Variants in MACROD2 observed in about 807,000 individuals in gnomAD.
MACROD2 encodes the protein ADP-ribose glycohydrolase MACROD2.
MACROD2 carries 36 observed loss-of-function variants against 70.4 expected under a neutral mutation model. That is an observed-to-expected ratio of 0.51 (90% CI 0.39 to 0.68). The LOEUF (loss-of-function observed/expected upper bound fraction) is 0.68. Among genes scored for constraint, MACROD2 ranks in the 30% least tolerant of loss-of-function variants. The pLI is 0.00. For missense variants in MACROD2, 496 were observed against 538.4 expected, an observed-to-expected ratio of 0.92 and a Z score of 0.78; for synonymous variants, 172 against 178.8, an observed-to-expected ratio of 0.96 and a Z score of 0.30.
chr20:14,689,553 A>G (rs2071039182), intron 5 of MACROD2, among the ~76,000 whole-genome samples: 1 of 152,200 alleles, frequency 6.6e-6, no homozygotes, highest in Non-Finnish European at 1.5e-5. Context: ...CCACTGAACT[A>G]CTTACAACCT....
intron 4 of MACROD2, chr20:14,547,581 G>T: frequency 6.5e-6 from 1 of 154,640 alleles, no homozygotes; most frequent in South Asian, 2.0e-4. Flanking sequence ...GAGCTAGCCT[G>T]GTGGGACTGA....
At chr20:14,029,693 A>G (rs1315555673) in intron 2 of MACROD2, among the ~76,000 whole-genome samples, 1 of 152,254 alleles carries the variant, frequency 6.6e-6, no homozygotes, top group Non-Finnish European at 1.5e-5. Context: ...CAAATCACCC[A>G]GACACAGTAA....
At chr20:14,897,883 G>T (rs900886826) in intron 5 of MACROD2, among the ~76,000 whole-genome samples, 1 of 152,060 alleles carries the variant, frequency 6.6e-6, no homozygotes, top group Non-Finnish European at 1.5e-5. Context: ...CATGCCCAAA[G>T]TGGCCAACAC....
intron 5 of MACROD2, among the ~76,000 whole-genome samples, chr20:15,141,113 TATAG>T (rs2076188744): frequency 6.6e-6 from 1 of 151,414 alleles, no homozygotes; most frequent in African/African-American, 2.4e-5. Context: ...CATACATACA[TATAG>T]ATATACATGT....
chr20:14,335,404 C>G (rs2082918405), intron 3 of MACROD2, among the ~76,000 whole-genome samples: 1 of 152,210 alleles, frequency 6.6e-6, no homozygotes. Context: ...CACACTGCTT[C>G]ATTTAGCTCT....
At chr20:15,082,028 G>A (rs186553868) in intron 5 of MACROD2, among the ~76,000 whole-genome samples, 1 of 152,294 alleles carries the variant, frequency 6.6e-6, no homozygotes, top group African/African-American at 2.4e-5. Context: ...CTAGGCAGGA[G>A]CCAGGCTACT....
intron 15 of MACROD2, among the ~76,000 whole-genome samples, chr20:16,032,752 AGGAGGGAAGAG>A (rs778680840): frequency 0.14 from 14,948 of 107,240 alleles, 888 homozygotes; most frequent in Middle Eastern, 0.25. Context: ...GAAGAAAGGG[AGGAGGGAAGAG>A]AGGAAGGAAG....
intron 7 of MACROD2, among the ~76,000 whole-genome samples, chr20:15,444,853 A>G (rs2046541717): frequency 6.6e-6 from 1 of 152,178 alleles, no homozygotes; most frequent in African/African-American, 2.4e-5. Flanking sequence ...TGAGGTTCAT[A>G]TAGGTAATAA....
chr20:14,018,866 G>T (rs1008521936), intron 2 of MACROD2, among the ~76,000 whole-genome samples: 3 of 152,170 alleles, frequency 2.0e-5, no homozygotes, highest in African/African-American at 7.2e-5. Flanking sequence ...AAGCTTTATT[G>T]CAAGGTTGAC....
chr20:15,599,399 A>AG (rs2048789105), intron 8 of MACROD2, among the ~76,000 whole-genome samples: 1 of 152,058 alleles, frequency 6.6e-6, no homozygotes, highest in Non-Finnish European at 1.5e-5. Flanking sequence ...TCAAAAAAAA[A>AG]AGTGTTTAAA....
At chr20:15,146,808 T>G (rs542588954) in intron 5 of MACROD2, among the ~76,000 whole-genome samples, 1 of 152,214 alleles carries the variant, frequency 6.6e-6, no homozygotes, top group African/African-American at 2.4e-5. Context: ...GATGAGGCAT[T>G]CTGAGATGCC....
Position 15,958,279 on chromosome 20 carries a change from C to T in MACROD2, c.908-9274C>T, listed in dbSNP as rs60178135. 9.7e-3 allele frequency among the ~76,000 whole-genome samples: 1,484 copies of T among 152,268 alleles called. 13 individuals are homozygous for T. The highest frequency in any genetic ancestry group is 0.029 in the African/African-American group (1,194 of 41,556). On this transcript the variant is annotated intron_variant, in intron 12 of 17. Coordinates refer to ENST00000684519, the MANE Select transcript of MACROD2 (RefSeq NM_001351661.2). ...GATTAATGCCTCTCCTTTCAAGTGACCCTTCCCACCACCTCCCTGCCATCC... is the reference window on the plus strand; with the variant it reads ...GATTAATGCCTCTCCTTTCAAGTGATCCTTCCCACCACCTCCCTGCCATCC...
At chr20:14,109,080 A>G (rs143540982) in intron 3 of MACROD2, among the ~76,000 whole-genome samples, 6,680 of 152,146 alleles carry the variant, frequency 0.044, 241 homozygotes, top group Non-Finnish European at 0.062. Flanking sequence ...TCTGAACACA[A>G]TGGAATAAAA....
At chr20:14,873,176 G>A (rs773164277) in intron 5 of MACROD2, among the ~76,000 whole-genome samples, 11 of 152,128 alleles carry the variant, frequency 7.2e-5, no homozygotes, top group African/African-American at 2.4e-4. Context: ...TGTGCTCAAC[G>A]CATGCACAGA....
intron 5 of MACROD2, among the ~76,000 whole-genome samples, chr20:14,798,580 A>G (rs902184754): frequency 6.6e-6 from 1 of 152,116 alleles, no homozygotes; most frequent in Non-Finnish European, 1.5e-5. Flanking sequence ...GCTGCTACCC[A>G]TATTTCATTA....
At chr20:14,056,499 A>T (rs999686872) in intron 2 of MACROD2, among the ~76,000 whole-genome samples, 8 of 151,998 alleles carry the variant, frequency 5.3e-5, no homozygotes, top group African/African-American at 1.9e-4. Flanking sequence ...TTGCTTCTAA[A>T]TTACAGATTT....
At position 15,947,091 on chromosome 20, in the gene MACROD2, G is replaced by A. The variant is rs183317243; in HGVS notation, c.907+9547G>A. Among the ~76,000 whole-genome samples, 1,208 of 152,296 alleles carry A rather than the reference G, an allele frequency of 7.9e-3. 11 individuals carry two copies. Among genetic ancestry groups the A allele is most frequent in the African/African-American group, 0.027 (1,125 of 41,572 alleles). The stretch of plus-strand genomic sequence containing the variant: ...GTGTCTCGACTCCCGCCACAGGGCG[G>A]TTTTTCTCCTATCTCAGAATTGAAC... On this transcript the variant is annotated intron_variant, in intron 12 of 17. Coordinates refer to ENST00000684519, the MANE Select transcript of MACROD2 (RefSeq NM_001351661.2).
At chr20:15,472,825 T>C (rs992237051) in intron 7 of MACROD2, among the ~76,000 whole-genome samples, 1 of 152,208 alleles carries the variant, frequency 6.6e-6, no homozygotes, top group African/African-American at 2.4e-5. Context: ...CCTGTACCTA[T>C]GCTCACAGTA....
intron 3 of MACROD2, among the ~76,000 whole-genome samples, chr20:14,425,278 G>A (rs2083920597): frequency 6.6e-6 from 1 of 152,058 alleles, no homozygotes; most frequent in Admixed American, 6.5e-5. Context: ...ATTATGAAAA[G>A]ATAATTTGTC....
Sources: allele counts gnomAD v4.1 joint callset (sites outside exome capture counted in the v4.1 genomes callset), GRCh38; gene constraint gnomAD v4.1.1; transcripts MANE v1.5; gene names NCBI Gene and HGNC (gene_info 2026-07-23, HGNC 2026-07-21).